Variants in SPG11 observed in about 807,000 individuals in gnomAD.
SPG11 encodes the protein spatacsin.
A neutral mutation model predicts 274.0 loss-of-function variants in SPG11; 222 were observed. The ratio of observed to expected loss-of-function variants is 0.81; its 90% CI spans 0.73 to 0.91. The LOEUF is 0.91. SPG11 is among the 40% of genes least tolerant of loss of function. The pLI is 0.00. For synonymous variants in SPG11, 1,144 were observed against 1,039.7 expected, an observed-to-expected ratio of 1.10 and a Z score of -1.93; for missense variants, 3,114 against 2,872.7, an observed-to-expected ratio of 1.08 and a Z score of -1.92.
At chr15:44,585,526 C>T (rs193187409) in intron 29 of SPG11, 110 bp downstream of exon 29, 349 of 866,324 alleles carry the variant, frequency 4.0e-4, no homozygotes, top group Non-Finnish European at 5.9e-4. Flanking sequence ...TGCATGAACC[C>T]GAGAGGCGGA....
At chr15:44,578,224 T>C (rs544374585) in intron 30 of SPG11, among the ~76,000 whole-genome samples, 1 of 146,002 alleles carries the variant, frequency 6.8e-6, no homozygotes, top group African/African-American at 2.6e-5. Flanking sequence ...TTAGTAGAGA[T>C]GGGGTTTCAC....
At chr15:44,632,387 G>A (rs2141052956) in intron 8 of SPG11, among the ~76,000 whole-genome samples, 1 of 152,184 alleles carries the variant, frequency 6.6e-6, no homozygotes, top group Middle Eastern at 3.4e-3. Context: ...TTACCCTGTT[G>A]TTCTAAGGAG....
At chr15:44,603,074 G>A (rs1340681406) in intron 20 of SPG11, among the ~76,000 whole-genome samples, 2 of 52,878 alleles carry the variant, frequency 3.8e-5, no homozygotes, top group East Asian at 1.1e-3. Flanking sequence ...TTTTTTTTTT[G>A]GACACAGGGT....
At position 44,584,454 on chromosome 15, in the gene SPG11, T is replaced by C; in HGVS notation, c.5226A>G (p.Ser1742=). 6.2e-7 allele frequency: 1 copy of C among 1,614,218 alleles called. No homozygotes were observed. The highest frequency in any genetic ancestry group is 1.3e-5 in the African/African-American group (1 of 75,062). Residue 1742 remains serine, a synonymous_variant, in exon 30 of 40, where the codon TCA becomes TCG. Transcript: ENST00000261866. ...AGGAAGAAGCTGCTTTGCTTGAAATTGAATTTTTCTTAAAATTCTCATGGC... is the reference window on the plus strand; with the variant it reads ...AGGAAGAAGCTGCTTTGCTTGAAATCGAATTTTTCTTAAAATTCTCATGGC... ...KKCHENFKKN[S]ISSKAASSFF...
At chr15:44,652,834 T>C (rs2084826069) in intron 4 of SPG11, among the ~76,000 whole-genome samples, 1 of 152,114 alleles carries the variant, frequency 6.6e-6, no homozygotes, top group Non-Finnish European at 1.5e-5. Context: ...TCTGTATTTT[T>C]AGTAGAGACA....
chr15:44,586,902 C>G (rs948531888), intron 28 of SPG11, among the ~76,000 whole-genome samples: 6 of 152,222 alleles, frequency 3.9e-5, no homozygotes, highest in Non-Finnish European at 5.9e-5. Flanking sequence ...AAATCTCCAG[C>G]TGGCCAATAG....
At chr15:44,602,564 C>A (rs553783442) in intron 20 of SPG11, among the ~76,000 whole-genome samples, 2 of 151,604 alleles carry the variant, frequency 1.3e-5, no homozygotes, top group South Asian at 4.2e-4. Flanking sequence ...CTGCAAGTTC[C>A]GCCTCCCGTA....
In SPG11 at chr15:44,610,849, AC is replaced by A. The variant is rs1567161388; in HGVS notation, c.3281del (p.Gly1094ValfsTer15). On this transcript the variant is annotated frameshift_variant, in exon 18 of 40. Coordinates refer to ENST00000261866, the MANE Select transcript of SPG11 (RefSeq NM_025137.4). LOFTEE classifies it high-confidence loss of function. Reference protein sequence around the residue: ...ALATTMYSPGGVSQVVQNEEN... With the variant: ...ALATTMYSPGXVSQVVQNEEN... ...AAAGTGCTATCCATACCTGACTGAC[AC>A]CCCCAGGAGAATACATTGTAGTAGC... is the stretch of plus-strand genomic sequence containing the variant. The A allele has an allele frequency of 1.2e-6, 2 of 1,613,926 alleles. No homozygotes were observed. Among genetic ancestry groups the A allele is most frequent in the Non-Finnish European group, 1.7e-6 (2 of 1,179,928 alleles).
chr15:44,631,723 A>G (rs1276358628), intron 8 of SPG11, among the ~76,000 whole-genome samples: 1 of 148,428 alleles, frequency 6.7e-6, no homozygotes, highest in Non-Finnish European at 1.5e-5. Context: ...CAGGCTGGTC[A>G]TGAACTCTTG....
intron 33 of SPG11, among the ~76,000 whole-genome samples, chr15:44,571,723 TC>T (rs1230672707): frequency 2.0e-5 from 3 of 152,094 alleles, no homozygotes; most frequent in African/African-American, 7.2e-5. Flanking sequence ...GATCTCGATC[TC>T]CTGACCTCAT....
In SPG11 at chr15:44,648,953, G is replaced by C. The variant is rs148556593; in HGVS notation, c.1515C>G (p.Leu505=). ...GLTQEEFLNR[L]MIHGSASTVD... ...CAGTGCTGGCACTTCCATGGATCATGAGTCTGTTTAAAAACTCTTCTTGAG... is the reference window on the plus strand; with the variant it reads ...CAGTGCTGGCACTTCCATGGATCATCAGTCTGTTTAAAAACTCTTCTTGAG... Residue 505 remains leucine, a synonymous_variant, in exon 7 of 40, where the codon CTC becomes CTG. Coordinates refer to ENST00000261866, the MANE Select transcript of SPG11 (RefSeq NM_025137.4). 8.5e-5 allele frequency: 137 copies of C among 1,613,966 alleles called. 1 individual carries two copies. In the East Asian group the frequency reaches 3.0e-3, roughly 35 times the overall value.
chr15:44,614,880 A>C (rs1476458674), intron 16 of SPG11, among the ~76,000 whole-genome samples: 2 of 152,204 alleles, frequency 1.3e-5, no homozygotes, highest in Non-Finnish European at 2.9e-5. Context: ...CTGCGGGTTA[A>C]TCTTAGGCAG....
Position 44,600,574 on chromosome 15 carries a change from T to C in SPG11, c.3579A>G (p.Ile1193Met), listed in dbSNP as rs1372458354. Residue 1193 changes from isoleucine to methionine, a missense_variant, in exon 21 of 40, where the codon ATA becomes ATG. Coordinates refer to ENST00000261866, the MANE Select transcript of SPG11 (RefSeq NM_025137.4). ...SSPDLVNKYA[I>M]VERLNFAYYL... is the part of the protein sequence containing the mutation. Reference sequence around the variant, plus strand: ...AATAAGCAAAATTCAGACGTTCCACTATAGCATATTTATTAACCAGGTCAG... The same window carrying C: ...AATAAGCAAAATTCAGACGTTCCACCATAGCATATTTATTAACCAGGTCAG... The C allele has an allele frequency of 2.5e-6, 4 of 1,614,072 alleles. No homozygotes were observed. The African/African-American group carries it at 5.3e-5, about 22-fold the overall frequency.
At chr15:44,595,523 A>G (rs1471688785) in intron 25 of SPG11, 64 bp from the exon 26 acceptor site, 1 of 1,500,464 alleles carries the variant, frequency 6.7e-7, no homozygotes, top group Non-Finnish European at 9.2e-7. Context: ...CAAATACTAC[A>G]GATGGATATT....
intron 26 of SPG11, among the ~76,000 whole-genome samples, chr15:44,592,824 A>G (rs1201385676): frequency 6.6e-6 from 1 of 151,934 alleles, no homozygotes; most frequent in African/African-American, 2.4e-5. Flanking sequence ...TGTCTCAATA[A>G]ATAAATAAAT....
At chr15:44,569,542 T>G in intron 34 of SPG11, 37 bp from the exon 35 acceptor site, 1 of 1,461,234 alleles carries the variant, frequency 6.8e-7, no homozygotes, top group Non-Finnish European at 9.4e-7. Flanking sequence ...CAGCATCACC[T>G]GGAGTCTGGA....
At chr15:44,635,402 T>C (rs1010707639) in intron 7 of SPG11, among the ~76,000 whole-genome samples, 3 of 151,336 alleles carry the variant, frequency 2.0e-5, no homozygotes, top group African/African-American at 4.9e-5. Flanking sequence ...TAGTGAGACC[T>C]TGTTTCTAAA....
intron 1 of SPG11, 143 bp from the exon 2 acceptor site, chr15:44,660,759 A>C: frequency 1.3e-6 from 1 of 779,302 alleles, no homozygotes; most frequent in Non-Finnish European, 2.1e-6. Flanking sequence ...AAGAGAACAT[A>C]AACTGCTCTA....
chr15:44,587,207 T>C (rs1388613686), intron 28 of SPG11, among the ~76,000 whole-genome samples: 1 of 152,170 alleles, frequency 6.6e-6, no homozygotes, highest in Non-Finnish European at 1.5e-5. Context: ...CAACAATTTA[T>C]GTGGCTGAGT....
Sources: allele counts gnomAD v4.1 joint callset (sites outside exome capture counted in the v4.1 genomes callset), GRCh38; gene constraint gnomAD v4.1.1; transcripts MANE v1.5; gene names NCBI Gene and HGNC (gene_info 2026-07-23, HGNC 2026-07-21).